The following TLE5 variants were observed in gnomAD, a reference collection of about 807,000 sequenced individuals.
TLE5 encodes TLE family member 5.
TLE5 carries 7 observed loss-of-function variants against 25.8 expected under a neutral mutation model. The observed-to-expected ratio is 0.27, with a 90% confidence interval of 0.15 to 0.51. The LOEUF (loss-of-function observed/expected upper bound fraction) is 0.51, where lower values mean the gene tolerates loss of function less well. Ranked by LOEUF, TLE5 falls within the 20% of genes least tolerant of loss-of-function variation. The pLI is 0.97. For synonymous variants in TLE5, 132 were observed against 110.5 expected (o/e 1.20, Z -1.22); for missense variants, 149 against 250.7 (o/e 0.59, Z 2.74).
In TLE5 at chr19:3,053,110, G is replaced by A. The variant is rs1261437580; in HGVS notation, c.*709C>T. 3 of 149,490 alleles carry A rather than the reference G, an allele frequency of 2.0e-5. No individual in the cohort carries two copies. The highest frequency in any genetic ancestry group is 4.4e-5 in the Non-Finnish European group (3 of 67,618). 9.3% of individuals were successfully genotyped at this position (149,490 alleles called of 1,614,324 possible). ...ATCCCCTTTCTTAAAAGACAAGCTAGTATACTGGAAAAAGAAAAAAATAAT... is the reference window on the plus strand; with the variant it reads ...ATCCCCTTTCTTAAAAGACAAGCTAATATACTGGAAAAAGAAAAAAATAAT... On this transcript the variant is annotated 3_prime_UTR_variant, in exon 7 of 7. Coordinates refer to ENST00000327141, the MANE Select transcript of TLE5 (RefSeq NM_001130.6).
chr19:3,061,113 G>C (rs199688719), intron 2 of TLE5, 47 bp downstream of exon 2: 7 of 1,419,814 alleles, frequency 4.9e-6, no homozygotes, highest in Non-Finnish European at 2.0e-6. Flanking sequence ...AAGAAATGGG[G>C]GGACTCACAT....
chr19:3,055,800 C>T (rs375155372), intron 4 of TLE5, 74 bp from the exon 5 acceptor site: 20 of 1,479,036 alleles, frequency 1.4e-5, no homozygotes, highest in Middle Eastern at 1.8e-4. Context: ...GAGGCCTGCG[C>T]GGGGCCCGGC....
At chr19:3,062,605 C>T (rs1164065946), upstream of TLE5, 66 of 1,065,956 alleles carry the variant, frequency 6.2e-5, no homozygotes, top group Middle Eastern at 8.2e-4. Flanking sequence ...TGCGGATCCC[C>T]ACGCCGGCCC....
In TLE5 at chr19:3,062,379, G is replaced by A. The variant is rs2090279352; in HGVS notation, c.-179C>T. ...GCCCCCTCCCCGCGCGCCCGGCCCCGGCGCGCCCCGGGCCCCGCTTCCTGC... is the reference window on the plus strand; with the variant it reads ...GCCCCCTCCCCGCGCGCCCGGCCCCAGCGCGCCCCGGGCCCCGCTTCCTGC... On this transcript the variant is annotated 5_prime_UTR_variant, in exon 1 of 7. Transcript: ENST00000327141. 3 of 607,762 alleles carry A rather than the reference G, an allele frequency of 4.9e-6. No homozygotes were observed. The South Asian group carries it at 2.2e-4, about 45-fold the overall frequency. The allele number at this position is 607,762 out of a possible 1,614,324, so 37.6% of individuals were successfully genotyped here.
At chr19:3,054,086 T>TCGGGGGGGGGGGGCCCCCC in intron 6 of TLE5, 34 bp downstream of exon 6, 63 of 1,512,552 alleles carry the variant, frequency 4.2e-5, no homozygotes, top group Middle Eastern at 2.4e-4. Context: ...GGCCCACCTG[T>TCGGGGGGGGGGGGCCCCCC]CCCCCGCCCA....
chr19:3,060,633 G>A (rs898234418), intron 2 of TLE5, among the ~76,000 whole-genome samples: 1 of 152,042 alleles, frequency 6.6e-6, no homozygotes, highest in African/African-American at 2.4e-5. Context: ...CGCCTGGCCT[G>A]GGCTTAAGTT....
chr19:3,057,491 G>C (rs1024454308), intron 3 of TLE5, 188 bp downstream of exon 3: 5 of 604,612 alleles, frequency 8.3e-6, no homozygotes, highest in Non-Finnish European at 1.4e-5. Flanking sequence ...CCACTGCCTC[G>C]GCCATCTGCC....
chr19:3,059,145 A>G (rs1758615581), intron 2 of TLE5, among the ~76,000 whole-genome samples: 1 of 152,064 alleles, frequency 6.6e-6, no homozygotes, highest in Admixed American at 6.6e-5. Context: ...CGGGTTAGGG[A>G]TGCTTTGGCC....
At chr19:3,062,038 G>C (rs1280825306) in intron 1 of TLE5, 136 bp downstream of exon 1, 2 of 224,004 alleles carry the variant, frequency 8.9e-6, no homozygotes, top group African/African-American at 5.4e-5. Context: ...GGGAAGACAG[G>C]GCCGGGGAGT....
intron 4 of TLE5, 180 bp from the exon 5 acceptor site, chr19:3,055,906 CA>C: frequency 1.7e-6 from 1 of 590,916 alleles, no homozygotes; most frequent in Non-Finnish European, 2.9e-6. Flanking sequence ...CAGTCAGTGG[CA>C]AAGGTGGGGC....
In TLE5 at chr19:3,061,892, G is replaced by T. The variant is rs983317272; in HGVS notation, c.27+282C>A. Reference sequence around the variant, plus strand: ...CCTGACTGTCCCGGCGGGTTGGGGGGGGGGGGCGCCAAGCCGGGAGCTGCG... The same window carrying T: ...CCTGACTGTCCCGGCGGGTTGGGGGTGGGGGGCGCCAAGCCGGGAGCTGCG... On this transcript the variant is annotated intron_variant, in intron 1 of 6. Coordinates refer to ENST00000327141, the MANE Select transcript of TLE5 (RefSeq NM_001130.6). Among the ~76,000 whole-genome samples the T allele has an allele frequency of 9.6e-5, 14 of 145,082 alleles. 1 individual carries two copies. Among genetic ancestry groups the T allele is most frequent in the East Asian group, 8.5e-4 (4 of 4,722 alleles).
chr19:3,057,780 C>A (rs780268384), intron 2 of TLE5, 38 bp from the exon 3 acceptor site: 2 of 1,601,084 alleles, frequency 1.2e-6, no homozygotes, highest in African/African-American at 1.3e-5. Context: ...TGGTTAGTGG[C>A]GGCTGGGCGG....
chr19:3,059,113 G>A (rs1286760591), intron 2 of TLE5, among the ~76,000 whole-genome samples: 1 of 152,218 alleles, frequency 6.6e-6, no homozygotes, highest in Non-Finnish European at 1.5e-5. Flanking sequence ...CTGGCATTTT[G>A]CTCCACCGGA....
At position 3,057,755 on chromosome 19, in the gene TLE5, A is replaced by G. The variant is rs1417053873; in HGVS notation, c.126-13T>C. 1 of 1,612,990 alleles carries G rather than the reference A, an allele frequency of 6.2e-7. No individual in the cohort carries two copies. Among genetic ancestry groups the G allele is most frequent in the African/African-American group, 1.3e-5 (1 of 74,904 alleles). On this transcript the variant is annotated splice_polypyrimidine_tract_variant and intron_variant, in intron 2 of 6. Transcript: ENST00000327141. ...TTCGAGCTTGAGGCTGAGGAGGCAC[A>G]GGGGGGAGATGGGGTGGTTAGTGGC...
rs950664910 is a variant in TLE5 at position 3,055,865 on chromosome 19, G to A, written c.235-139C>T. 31 of 906,966 alleles carry A rather than the reference G, an allele frequency of 3.4e-5. No homozygotes were observed. In the African/African-American group the frequency reaches 3.7e-4, roughly 11 times the overall value. The allele number at this position is 906,966 out of a possible 1,614,324, so 56.2% of individuals were successfully genotyped here. On this transcript the variant is annotated intron_variant, in intron 4 of 6. Coordinates refer to ENST00000327141, the MANE Select transcript of TLE5 (RefSeq NM_001130.6). The stretch of plus-strand genomic sequence containing the variant: ...GGGCTAGGTCTGGCCAGGGTGGGAT[G>A]AGCAAAGCCGTGTTCGGGCCCGAGG...
At chr19:3,057,895 T>A (rs898640579) in intron 2 of TLE5, 153 bp from the exon 3 acceptor site, 50 of 689,400 alleles carry the variant, frequency 7.3e-5, no homozygotes, top group Non-Finnish European at 5.5e-5. Flanking sequence ...ATTTTTTTTT[T>A]AAATTGAGAC....
At chr19:3,059,926 G>A (rs1313258369) in intron 2 of TLE5, among the ~76,000 whole-genome samples, 4 of 152,194 alleles carry the variant, frequency 2.6e-5, no homozygotes, top group African/African-American at 7.2e-5. Flanking sequence ...GAATGGGTAC[G>A]ACAGTCGGAC....
chr19:3,054,099 C>G, intron 6 of TLE5, 21 bp downstream of exon 6: 10 of 1,548,272 alleles, frequency 6.5e-6, no homozygotes, highest in Non-Finnish European at 7.9e-6. Context: ...CCCGCCCACC[C>G]GCCCAGGTCC....
chr19:3,056,143 G>T, intron 4 of TLE5, 169 bp downstream of exon 4: 1 of 523,178 alleles, frequency 1.9e-6, no homozygotes, highest in South Asian at 2.6e-5. Context: ...CGGGGGGGAG[G>T]AGAGCGGGAG....
Sources: allele counts gnomAD v4.1 joint callset (sites outside exome capture counted in the v4.1 genomes callset), GRCh38; gene constraint gnomAD v4.1.1; transcripts MANE v1.5; gene names NCBI Gene and HGNC (gene_info 2026-07-23, HGNC 2026-07-21).